Variants in ADGRL3 observed in about 807,000 individuals in gnomAD.
ADGRL3 encodes adhesion G protein-coupled receptor L3.
In ADGRL3, 62 loss-of-function variants were observed where a neutral mutation model predicts 153.5. That is an observed-to-expected ratio of 0.40 (90% confidence interval 0.33 to 0.50). The LOEUF (loss-of-function observed/expected upper bound fraction) is 0.50, where lower values mean the gene tolerates loss of function less well. ADGRL3 is among the 20% of genes least tolerant of loss of function. The pLI, the probability that ADGRL3 is intolerant of heterozygous loss-of-function variation, is 0.47. For synonymous variants in ADGRL3, 710 were observed against 672.5 expected (o/e 1.06, Z -0.86); for missense variants, 1,641 against 1,859.4 (o/e 0.88, Z 2.16).
chr4:61,257,890 A>G (rs2092140557), intron 1 of ADGRL3, among the ~76,000 whole-genome samples: 1 of 151,506 alleles, frequency 6.6e-6, no homozygotes, highest in African/African-American at 2.4e-5. Context: ...CGCACACCCC[A>G]TGCTTTAGGA....
chr4:61,894,707 T>A (rs2098615486), intron 10 of ADGRL3, among the ~76,000 whole-genome samples: 2 of 152,192 alleles, frequency 1.3e-5, no homozygotes, highest in Non-Finnish European at 2.9e-5. Context: ...TTTTTACCCA[T>A]CTGTGTCCAT....
At chr4:61,575,635 T>C (rs1004957935) in intron 4 of ADGRL3, among the ~76,000 whole-genome samples, 1 of 152,070 alleles carries the variant, frequency 6.6e-6, no homozygotes, top group Non-Finnish European at 1.5e-5. Context: ...TCTCAAACGG[T>C]GCTCAATTTT....
intron 13 of ADGRL3, among the ~76,000 whole-genome samples, chr4:61,921,275 A>G (rs1435297178): frequency 1.3e-5 from 2 of 152,122 alleles, no homozygotes; most frequent in East Asian, 1.9e-4. Context: ...CCCTCCCACT[A>G]GAACCTCTGC....
intron 4 of ADGRL3, among the ~76,000 whole-genome samples, chr4:61,559,140 T>C (rs769100821): frequency 9.2e-5 from 14 of 152,260 alleles, no homozygotes; most frequent in Non-Finnish European, 2.1e-4. Flanking sequence ...AGACAGTTTA[T>C]AGAATAAATT....
At chr4:61,812,932 G>A (rs934879659) in intron 8 of ADGRL3, among the ~76,000 whole-genome samples, 2 of 152,100 alleles carry the variant, frequency 1.3e-5, no homozygotes, top group Non-Finnish European at 2.9e-5. Flanking sequence ...ATACTTTTGT[G>A]TTCAAGTAGT....
chr4:61,994,643 G>C (rs967049128), intron 19 of ADGRL3, among the ~76,000 whole-genome samples: 1 of 151,956 alleles, frequency 6.6e-6, no homozygotes, highest in African/African-American at 2.4e-5. Context: ...TGTATTTGCT[G>C]TCAGTAATTA....
chr4:61,569,182 T>C (rs2098828534), intron 4 of ADGRL3, among the ~76,000 whole-genome samples: 1 of 152,176 alleles, frequency 6.6e-6, no homozygotes, highest in African/African-American at 2.4e-5. Flanking sequence ...GACTAGATTG[T>C]CTTCCTTGGC....
At chr4:61,485,914 CTT>C (rs5858704) in intron 2 of ADGRL3, among the ~76,000 whole-genome samples, 1,587 of 147,198 alleles carry the variant, frequency 0.011, 25 homozygotes, top group African/African-American at 9.9e-3. Flanking sequence ...CTATGGAATG[CTT>C]TTTTTTTTTT....
intron 6 of ADGRL3, among the ~76,000 whole-genome samples, chr4:61,723,672 C>T (rs1007745284): frequency 6.6e-6 from 1 of 152,096 alleles, no homozygotes; most frequent in African/African-American, 2.4e-5. Context: ...CTAGAGGCAG[C>T]CATGACACCT....
chr4:61,651,609 T>C (rs1406590602), intron 5 of ADGRL3, among the ~76,000 whole-genome samples: 2 of 151,396 alleles, frequency 1.3e-5, no homozygotes, highest in African/African-American at 4.9e-5. Flanking sequence ...GTTTTTGTTT[T>C]TGTTTCTGTT....
intron 4 of ADGRL3, among the ~76,000 whole-genome samples, chr4:61,573,360 C>T (rs1033762806): frequency 3.3e-5 from 5 of 151,908 alleles, no homozygotes; most frequent in African/African-American, 1.2e-4. Context: ...TCATCTTAAC[C>T]ATGGCTCCCT....
At chr4:61,414,961 T>C (rs2097130061) in intron 2 of ADGRL3, among the ~76,000 whole-genome samples, 1 of 152,018 alleles carries the variant, frequency 6.6e-6, no homozygotes, top group African/African-American at 2.4e-5. Flanking sequence ...CATAGTAGCT[T>C]TCTGCTTGTT....
intron 19 of ADGRL3, among the ~76,000 whole-genome samples, chr4:61,995,679 T>G (rs558958116): frequency 6.6e-6 from 1 of 152,310 alleles, no homozygotes; most frequent in South Asian, 2.1e-4. Flanking sequence ...TAGCTGAAAT[T>G]AAGTGATTAA....
Position 61,368,058 on chromosome 4 carries a change from G to A in ADGRL3, c.-239-15066G>A, listed in dbSNP as rs554788466. Among the ~76,000 whole-genome samples, 1,104 of 151,548 alleles carry A rather than the reference G, an allele frequency of 7.3e-3. 17 individuals carry two copies. Among genetic ancestry groups the A allele is most frequent in the Non-Finnish European group, 8.1e-3 (549 of 67,812 alleles). On this transcript the variant is annotated intron_variant, in intron 1 of 26. Transcript: ENST00000683033. The stretch of plus-strand genomic sequence containing the variant: ...CTTCTTTTGAGAAGTGTCTGTTCAT[G>A]TCCTTCGCCCACTTTTTGATGGGGT...
intron 8 of ADGRL3, among the ~76,000 whole-genome samples, chr4:61,791,175 A>C (rs943557592): frequency 6.6e-6 from 1 of 152,182 alleles, no homozygotes; most frequent in Non-Finnish European, 1.5e-5. Flanking sequence ...TCCACAGTCC[A>C]AAGTCTCATC....
chr4:61,526,640 G>T (rs2098562175), intron 4 of ADGRL3, among the ~76,000 whole-genome samples: 1 of 151,970 alleles, frequency 6.6e-6, no homozygotes, highest in African/African-American at 2.4e-5. Flanking sequence ...GCTGGGTATG[G>T]TGGTGCATCC....
chr4:61,517,004 T>G (rs796607848), intron 3 of ADGRL3, among the ~76,000 whole-genome samples: 83 of 152,120 alleles, frequency 5.5e-4, no homozygotes, highest in African/African-American at 1.9e-3. Flanking sequence ...AATATTTATA[T>G]TTTTTCAGGT....
chr4:61,550,049 G>A (rs920536045), intron 4 of ADGRL3, among the ~76,000 whole-genome samples: 5 of 151,800 alleles, frequency 3.3e-5, no homozygotes, highest in African/African-American at 1.2e-4. Flanking sequence ...AAAACTAATG[G>A]TGTTTTGATT....
chr4:62,058,203 T>C (rs1216070447), intron 25 of ADGRL3, among the ~76,000 whole-genome samples: 1 of 152,176 alleles, frequency 6.6e-6, no homozygotes, highest in East Asian at 1.9e-4. Context: ...TTTTTTGTTT[T>C]GTTTTCTGTT....
Sources: gnomAD v4.1 joint callset for allele counts (sites outside exome capture counted in the v4.1 genomes callset) on GRCh38, gnomAD v4.1.1 for gene constraint, MANE v1.5 for transcripts, NCBI Gene and HGNC (gene_info 2026-07-23, HGNC 2026-07-21) for gene names.